The following NBEA variants were observed in gnomAD, a reference collection of about 807,000 sequenced individuals.
The protein encoded by NBEA is lysosomal-trafficking regulator 2.
In NBEA, 44 loss-of-function variants were observed where a neutral mutation model predicts 343.4. The ratio of observed to expected loss-of-function variants is 0.13; its 90% CI spans 0.10 to 0.16. The LOEUF is 0.16. NBEA is among the 10% of genes least tolerant of loss of function. NBEA has a pLI of 1.00. For synonymous variants in NBEA, 1,175 were observed against 1,238.7 expected, an observed-to-expected ratio of 0.95 and a Z score of 1.08; for missense variants, 2,555 against 3,631.3, an observed-to-expected ratio of 0.70 and a Z score of 7.62.
chr13:35,415,768 A>G (rs998237929), intron 38 of NBEA, among the ~76,000 whole-genome samples: 2 of 152,118 alleles, frequency 1.3e-5, no homozygotes, highest in African/African-American at 4.8e-5. Context: ...CAATTCTGTG[A>G]AAAAAGTCAT....
intron 32 of NBEA, among the ~76,000 whole-genome samples, chr13:35,210,588 A>G (rs1429440985): frequency 6.6e-6 from 1 of 152,200 alleles, no homozygotes; most frequent in East Asian, 1.9e-4. Context: ...GTAACTCATT[A>G]TAGCCCTTCT....
intron 43 of NBEA, among the ~76,000 whole-genome samples, chr13:35,552,879 G>A (rs931132215): frequency 6.6e-6 from 1 of 151,660 alleles, no homozygotes; most frequent in African/African-American, 2.4e-5. Context: ...TCTTTTTGAC[G>A]TTTGGAAGAT....
chr13:35,054,976 T>C (rs1417018725), intron 6 of NBEA, among the ~76,000 whole-genome samples: 1 of 152,096 alleles, frequency 6.6e-6, no homozygotes, highest in East Asian at 1.9e-4. Flanking sequence ...ATGAACAAAA[T>C]TGAATTTTGC....
intron 4 of NBEA, among the ~76,000 whole-genome samples, chr13:35,045,707 T>TTTTTG (rs57585958): frequency 0.13 from 18,959 of 150,808 alleles, 1,372 homozygotes; most frequent in Non-Finnish European, 0.16. Flanking sequence ...TATACAGTGT[T>TTTTTG]TTTTGTTTTG....
At chr13:35,243,406 C>A (rs1416980826) in intron 34 of NBEA, among the ~76,000 whole-genome samples, 1 of 151,684 alleles carries the variant, frequency 6.6e-6, no homozygotes, top group East Asian at 1.9e-4. Flanking sequence ...AATAGTTCTT[C>A]CTCTTTCAGT....
chr13:34,983,124 A>G (rs2060415662), intron 1 of NBEA, among the ~76,000 whole-genome samples: 2 of 152,068 alleles, frequency 1.3e-5, no homozygotes, highest in African/African-American at 4.8e-5. Flanking sequence ...TGCACCCATT[A>G]ACTCATCATT....
chr13:35,528,795 C>CT (rs1462077546), intron 41 of NBEA, among the ~76,000 whole-genome samples: 1 of 152,100 alleles, frequency 6.6e-6, no homozygotes, highest in African/African-American at 2.4e-5. Context: ...GAGAGAAAAA[C>CT]TAAGTCATAT....
At chr13:35,457,889 G>T (rs1328620251) in intron 40 of NBEA, among the ~76,000 whole-genome samples, 1 of 151,224 alleles carries the variant, frequency 6.6e-6, no homozygotes, top group African/African-American at 2.4e-5. Context: ...TCACAGGCGT[G>T]AGCCACCGCG....
At chr13:35,582,758 A>G (rs2153037675) in intron 45 of NBEA, among the ~76,000 whole-genome samples, 1 of 152,296 alleles carries the variant, frequency 6.6e-6, no homozygotes, top group East Asian at 1.9e-4. Flanking sequence ...TGGAAATTCT[A>G]ACAGACTTTT....
intron 10 of NBEA, among the ~76,000 whole-genome samples, chr13:35,087,488 CT>C (rs2064836439): frequency 6.6e-6 from 1 of 151,702 alleles, no homozygotes; most frequent in African/African-American, 2.4e-5. Context: ...CATCATACAG[CT>C]TTTGGTCAGC....
At chr13:35,669,155 C>T (rs1032085523) in intron 58 of NBEA, among the ~76,000 whole-genome samples, 6 of 152,064 alleles carry the variant, frequency 3.9e-5, no homozygotes, top group African/African-American at 1.4e-4. Context: ...TCCATTGTTC[C>T]TCAATTTGCA....
intron 10 of NBEA, among the ~76,000 whole-genome samples, chr13:35,076,313 T>TG (rs1283785097): frequency 6.6e-6 from 1 of 151,956 alleles, no homozygotes; most frequent in African/African-American, 2.4e-5. Flanking sequence ...TTGATGTACT[T>TG]GCACTACTAC....
chr13:35,251,395 A>C, intron 34 of NBEA: 1 of 1,044,244 alleles, frequency 9.6e-7, no homozygotes, highest in Non-Finnish European at 1.2e-6. Context: ...GTGTTCTGCC[A>C]TCTGTCACTA....
intron 18 of NBEA, among the ~76,000 whole-genome samples, chr13:35,147,761 G>A (rs1411533623): frequency 1.3e-5 from 2 of 152,130 alleles, no homozygotes; most frequent in Non-Finnish European, 2.9e-5. Flanking sequence ...TAGGATATCT[G>A]GTTCCCCATT....
At chr13:35,011,004 A>G (rs577461965) in intron 1 of NBEA, among the ~76,000 whole-genome samples, 1 of 151,752 alleles carries the variant, frequency 6.6e-6, no homozygotes, top group African/African-American at 2.4e-5. Context: ...TGCATGCTGA[A>G]GCGAATGATC....
At chr13:35,511,444 A>G (rs2077272622) in intron 41 of NBEA, among the ~76,000 whole-genome samples, 1 of 152,202 alleles carries the variant, frequency 6.6e-6, no homozygotes, top group Admixed American at 6.5e-5. Context: ...ACAATGAAAT[A>G]TTAAGTACAG....
At chr13:35,081,807 G>A (rs1027298095) in intron 10 of NBEA, among the ~76,000 whole-genome samples, 23 of 151,920 alleles carry the variant, frequency 1.5e-4, no homozygotes, top group African/African-American at 4.3e-4. Flanking sequence ...AATACTTTGC[G>A]AAATTTATAG....
intron 34 of NBEA, among the ~76,000 whole-genome samples, chr13:35,277,215 A>G (rs2034648598): frequency 6.6e-6 from 1 of 152,178 alleles, no homozygotes; most frequent in African/African-American, 2.4e-5. Flanking sequence ...CATACACAAA[A>G]AAACCAAGGT....
At chr13:35,430,506 T>C (rs2045032245) in intron 38 of NBEA, among the ~76,000 whole-genome samples, 1 of 152,220 alleles carries the variant, frequency 6.6e-6, no homozygotes, top group Admixed American at 6.5e-5. Context: ...TTCTTGGTCA[T>C]GAAGTCTTTG....
Sources: allele counts gnomAD v4.1 joint callset (sites outside exome capture counted in the v4.1 genomes callset), GRCh38; gene constraint gnomAD v4.1.1; transcripts MANE v1.5; gene names NCBI Gene and HGNC (gene_info 2026-07-23, HGNC 2026-07-21).